The following OPN3 variants were observed in gnomAD, a reference collection of about 807,000 sequenced individuals.
OPN3 encodes the protein opsin 3, also known as opsin-3.
In OPN3, 29 loss-of-function variants were observed where a neutral mutation model predicts 33.8. The ratio of observed to expected loss-of-function variants is 0.86; its 90% CI spans 0.64 to 1.17. The LOEUF (loss-of-function observed/expected upper bound fraction) is 1.17. OPN3 is among the 50% of genes most tolerant of loss of function. The probability of loss-of-function intolerance (pLI) is 0.00; values close to 1 mark genes in which losing one functional copy is unlikely to be tolerated. For missense variants in OPN3, 437 were observed against 514.1 expected (o/e 0.85, Z 1.45); for synonymous variants, 216 against 216.1 (o/e 1.00, Z 0.00).
At chr1:241,601,191 G>A (rs1028640895) in intron 2 of OPN3, 1 of 152,138 alleles carries the variant, frequency 6.6e-6, no homozygotes, top group African/African-American at 2.4e-5. Context: ...GGCTGGACAG[G>A]TAGACAGGAG....
intron 1 of OPN3, 93 bp downstream of exon 1, chr1:241,639,789 G>A (rs1255527139): frequency 2.4e-6 from 3 of 1,261,116 alleles, no homozygotes; most frequent in African/African-American, 1.6e-5. Context: ...GAAGCGGTGC[G>A]GGGCGGGCTG....
chr1:241,600,572 T>C (rs921877465), intron 2 of OPN3: 1 of 152,214 alleles, frequency 6.6e-6, no homozygotes, highest in African/African-American at 2.4e-5. Context: ...AAGACATCTG[T>C]AGATTTTCAA....
chr1:241,635,740 A>G (rs1488183909), intron 1 of OPN3: 1 of 1,612,196 alleles, frequency 6.2e-7, no homozygotes, highest in East Asian at 2.2e-5. Flanking sequence ...TAACCACATC[A>G]AACTCTGTGG....
chr1:241,595,556 T>C lies in OPN3; in HGVS notation c.946-865A>G, dbSNP rs74949070. On this transcript the variant is annotated intron_variant, in intron 3 of 3. Coordinates refer to ENST00000366554, the MANE Select transcript of OPN3 (RefSeq NM_014322.3). ...ATAAATCAAAAGTTAATGTAATTGT[T>C]ATCCCATTATTTAGAGCGAAATAAA... The C allele has an allele frequency of 9.9e-3, 1,502 of 152,356 alleles. 24 individuals carry two copies. The highest frequency in any genetic ancestry group is 0.034 in the African/African-American group (1,406 of 41,584). The allele number at this position is 152,356 out of a possible 1,614,324, so 9.4% of individuals were successfully genotyped here.
Position 241,640,077 on chromosome 1 carries a change from G to A in OPN3, c.178C>T (p.Leu60=), listed in dbSNP as rs1411875704. ...TTGTAGTAGAGGACGAGCACCAGCA[G>A]GTTGTTGCCGACGCCCAGCAGCCCA... The part of the protein sequence containing the change: ...SIGLLGVGNN[L]LVLVLYYKFQ... The change falls in exon 1 of 4, where the codon CTG becomes TTG. Residue 60 remains leucine, a synonymous_variant. Transcript: ENST00000366554. 1 of 1,611,258 alleles carries A rather than the reference G, an allele frequency of 6.2e-7. No homozygotes were observed. The highest frequency in any genetic ancestry group is 8.5e-7 in the Non-Finnish European group (1 of 1,178,998).
At chr1:241,598,364 T>C in intron 2 of OPN3, among the ~76,000 whole-genome samples, 1 of 152,210 alleles carries the variant, frequency 6.6e-6, no homozygotes, top group South Asian at 2.1e-4. Flanking sequence ...TTCCCTGTGA[T>C]CCTGGAAACT....
chr1:241,640,248 A>T lies in OPN3; in HGVS notation c.7T>A (p.Ser3Thr), dbSNP rs1458487967. 8.0e-7 allele frequency: 1 copy of T among 1,256,760 alleles called. No individual in the cohort carries two copies. Among genetic ancestry groups the T allele is most frequent in the Non-Finnish European group, 9.9e-7 (1 of 1,005,580 alleles). The allele number at this position is 1,256,760 out of a possible 1,614,324, so 77.9% of individuals were successfully genotyped here. Residue 3 changes from serine (S) to threonine (T), a missense_variant, in exon 1 of 4, where the codon TCG becomes ACG. By Grantham distance (58) the Ser-to-Thr change is moderately conservative. Transcript: ENST00000366554. MYSGNRSGGHGYW... is the reference protein window; with the variant it reads MYTGNRSGGHGYW... ...CCGTGGCCGCCGCTGCGGTTCCCCGAGTACATGGCCCGGCGCCGGCGCGCC... is the reference window on the plus strand; with the variant it reads ...CCGTGGCCGCCGCTGCGGTTCCCCGTGTACATGGCCCGGCGCCGGCGCGCC...
intron 1 of OPN3, among the ~76,000 whole-genome samples, chr1:241,623,002 G>A (rs559286503): frequency 1.3e-5 from 2 of 151,880 alleles, no homozygotes; most frequent in Admixed American, 6.5e-5. Flanking sequence ...GTACTGGCAC[G>A]CTCTGACTCA....
chr1:241,606,393 A>G (rs892458236), intron 1 of OPN3, among the ~76,000 whole-genome samples: 1 of 151,840 alleles, frequency 6.6e-6, no homozygotes, highest in East Asian at 1.9e-4. Context: ...AAAATACAAA[A>G]TATTAGCTGG....
At chr1:241,625,620 C>A (rs1019474563) in intron 1 of OPN3, among the ~76,000 whole-genome samples, 5 of 152,090 alleles carry the variant, frequency 3.3e-5, no homozygotes, top group Admixed American at 2.6e-4. Flanking sequence ...TTATAATAAA[C>A]CACCAGAAGG....
At position 241,640,048 on chromosome 1, in the gene OPN3, G is replaced by T. The variant is rs1417608667; in HGVS notation, c.207C>A (p.Phe69Leu). 1 of 1,612,990 alleles carries T rather than the reference G, an allele frequency of 6.2e-7. No homozygotes were observed. The highest frequency in any genetic ancestry group is 8.5e-7 in the Non-Finnish European group (1 of 1,179,634). ...NLLVLVLYYK[F>L]QRLRTPTHLL... ...GGTGAGTGGGAGTGCGGAGCCGCTGGAACTTGTAGTAGAGGACGAGCACCA... is the reference window on the plus strand; with the variant it reads ...GGTGAGTGGGAGTGCGGAGCCGCTGTAACTTGTAGTAGAGGACGAGCACCA... The change falls in exon 1 of 4, where the codon TTC (phenylalanine) becomes TTA (leucine). Residue 69 changes from phenylalanine (F) to leucine (L), a missense_variant. Transcript: ENST00000366554.
At chr1:241,598,069 G>A (rs1663585426) in intron 2 of OPN3, 72 bp from the exon 3 acceptor site, 1 of 1,503,812 alleles carries the variant, frequency 6.6e-7, no homozygotes. Context: ...TTTTATAACA[G>A]ATATTCAGAC....
intron 1 of OPN3, chr1:241,629,881 T>C (rs1424989214): frequency 6.6e-6 from 1 of 152,100 alleles, no homozygotes; most frequent in Non-Finnish European, 1.5e-5. Flanking sequence ...GGTTGCTTAA[T>C]AGCATGTTTT....
intron 1 of OPN3, among the ~76,000 whole-genome samples, chr1:241,607,075 G>T (rs1344821759): frequency 6.6e-6 from 1 of 152,170 alleles, no homozygotes; most frequent in Non-Finnish European, 1.5e-5. Flanking sequence ...GGGAGTTGGA[G>T]GGTGGGGAGC....
intron 3 of OPN3, among the ~76,000 whole-genome samples, 196 bp downstream of exon 3, chr1:241,597,550 C>A (rs913147138): frequency 6.6e-6 from 1 of 151,990 alleles, no homozygotes; most frequent in African/African-American, 2.4e-5. Context: ...AAGTGTGAAT[C>A]CCTATGGGTA....
intron 2 of OPN3, among the ~76,000 whole-genome samples, chr1:241,603,624 G>C (rs560102609): frequency 6.6e-6 from 1 of 152,168 alleles, no homozygotes; most frequent in African/African-American, 2.4e-5. Flanking sequence ...AGCTAAGTCC[G>C]ATTTTTTAAA....
intron 1 of OPN3, among the ~76,000 whole-genome samples, chr1:241,637,780 C>G (rs1664955114): frequency 6.6e-6 from 1 of 152,184 alleles, no homozygotes; most frequent in African/African-American, 2.4e-5. Flanking sequence ...AAAGCCCGCA[C>G]AATGCATGAG....
At chr1:241,633,184 GAGT>G (rs1365904042) in intron 1 of OPN3, 1 of 152,410 alleles carries the variant, frequency 6.6e-6, no homozygotes, top group African/African-American at 2.4e-5. Flanking sequence ...AGGGTCAAGT[GAGT>G]ATTATAAACT....
chr1:241,598,870 TACTC>T (rs1663608634), intron 2 of OPN3, among the ~76,000 whole-genome samples: 1 of 152,180 alleles, frequency 6.6e-6, no homozygotes, highest in Non-Finnish European at 1.5e-5. Flanking sequence ...AAAATACAAA[TACTC>T]TATATATTGA....
Sources: allele counts gnomAD v4.1 joint callset (sites outside exome capture counted in the v4.1 genomes callset), GRCh38; gene constraint gnomAD v4.1.1; transcripts MANE v1.5; gene names NCBI Gene and HGNC (gene_info 2026-07-23, HGNC 2026-07-21).